Variants in MYPN observed in about 807,000 individuals in gnomAD.
MYPN encodes the protein sarcomeric protein myopalladin, 145 kDa (MYOP).
Under a neutral mutation model 129.4 loss-of-function variants are expected in MYPN, and 63 were observed. The observed-to-expected ratio is 0.49, with a 90% CI of 0.40 to 0.60. MYPN has a LOEUF of 0.60. Among genes scored for constraint, MYPN ranks in the 20% least tolerant of loss-of-function variants. The pLI, the probability that MYPN is intolerant of heterozygous loss-of-function variation, is 0.00. For synonymous variants in MYPN, 629 were observed against 600.9 expected (o/e 1.05, Z -0.68); for missense variants, 1,596 against 1,635.4 (o/e 0.98, Z 0.42).
At chr10:68,187,066 C>T (rs1697414885) in intron 12 of MYPN, among the ~76,000 whole-genome samples, 1 of 151,980 alleles carries the variant, frequency 6.6e-6, no homozygotes, top group South Asian at 2.1e-4. Flanking sequence ...GAGATTAGCA[C>T]AAAAATTAAG....
At chr10:68,197,320 T>A (rs751642090) in intron 15 of MYPN, 32 bp from the exon 16 acceptor site, 3 of 1,609,736 alleles carry the variant, frequency 1.9e-6, no homozygotes, top group Middle Eastern at 3.4e-4. Context: ...TTTATTTCTA[T>A]GTTTAATATC....
chr10:68,201,640 C>A (rs1290611294), intron 17 of MYPN, among the ~76,000 whole-genome samples, 189 bp from the exon 18 acceptor site: 1 of 151,984 alleles, frequency 6.6e-6, no homozygotes, highest in Non-Finnish European at 1.5e-5. Context: ...TGGCGGTGCA[C>A]GCCTGTAATC....
rs753633529 is a variant in MYPN, at chr10:68,150,139, A to G, written c.1317+28A>G. 2.5e-6 allele frequency: 4 copies of G among 1,571,178 alleles called. No individual in the cohort carries two copies. The African/African-American group carries it at 4.1e-5, about 16-fold the overall frequency. ...AATAAAAATATTACTTCTTTCTGTC[A>G]TGGCTTTAAAGATACCACAGCACCC... On this transcript the variant is annotated intron_variant, in intron 6 of 19. Transcript: ENST00000358913.
At chr10:68,098,254 AG>A (rs889892813) in intron 1 of MYPN, among the ~76,000 whole-genome samples, 3 of 152,130 alleles carry the variant, frequency 2.0e-5, no homozygotes, top group East Asian at 3.9e-4. Flanking sequence ...TCCAAAAAAA[AG>A]ATCTCAATTT....
At position 68,150,360 on chromosome 10, in the gene MYPN, C is replaced by T. The variant is rs894313863; in HGVS notation, c.1317+249C>T. 7.9e-5 allele frequency among the ~76,000 whole-genome samples: 12 copies of T among 152,136 alleles called. 1 individual carries two copies. The highest frequency in any genetic ancestry group is 2.6e-4 in the Admixed American group (4 of 15,268). ...TCTCTGTGGCCATTATACAACTGTT[C>T]AACATAGGAGCCACCCCTAGAGGTC... On this transcript the variant is annotated intron_variant, in intron 6 of 19. Coordinates refer to ENST00000358913, the MANE Select transcript of MYPN (RefSeq NM_032578.4).
chr10:68,141,528 TA>T (rs35304643), intron 2 of MYPN, among the ~76,000 whole-genome samples: 59,951 of 151,988 alleles, frequency 0.39, 12,901 homozygotes, highest in Non-Finnish European at 0.48. Context: ...AATTACTTTT[TA>T]TTATGTTGAT....
intron 13 of MYPN, among the ~76,000 whole-genome samples, chr10:68,191,699 T>C (rs1296024478): frequency 6.6e-6 from 1 of 152,240 alleles, no homozygotes; most frequent in Non-Finnish European, 1.5e-5. Context: ...TTTTATAGTT[T>C]TCCTTGTAGA....
intron 17 of MYPN, among the ~76,000 whole-genome samples, chr10:68,200,210 T>C (rs959965969): frequency 6.6e-6 from 1 of 152,232 alleles, no homozygotes; most frequent in Non-Finnish European, 1.5e-5. Context: ...GTGGCTCGTC[T>C]TGCACATCTC....
At chr10:68,118,896 AG>A (rs1385112691) in intron 1 of MYPN, among the ~76,000 whole-genome samples, 1 of 150,468 alleles carries the variant, frequency 6.6e-6, no homozygotes, top group Non-Finnish European at 1.5e-5. Context: ...GAAGGAAGGA[AG>A]GAAGGAAGGA....
chr10:68,189,843 C>T (rs1293735388), intron 13 of MYPN, among the ~76,000 whole-genome samples: 1 of 152,182 alleles, frequency 6.6e-6, no homozygotes, highest in African/African-American at 2.4e-5. Context: ...GTGCAGATAT[C>T]TCTTCAACAT....
intron 10 of MYPN, among the ~76,000 whole-genome samples, chr10:68,169,361 T>TAA (rs1564677220): frequency 1.4e-5 from 1 of 70,180 alleles, no homozygotes; most frequent in African/African-American, 6.0e-5. Context: ...CCGTCTCAAA[T>TAA]TAAAAAAAAA....
chr10:68,146,727 G>A (rs2042672740), intron 4 of MYPN, among the ~76,000 whole-genome samples: 1 of 152,152 alleles, frequency 6.6e-6, no homozygotes, highest in Non-Finnish European at 1.5e-5. Context: ...GGCTAAAATA[G>A]AAAGAAATAA....
chr10:68,148,279 A>T, intron 4 of MYPN, 74 bp from the exon 5 acceptor site: 1 of 1,177,858 alleles, frequency 8.5e-7, no homozygotes, highest in Non-Finnish European at 1.3e-6. Flanking sequence ...TGATGCCATT[A>T]CTAGTTTTCC....
intron 1 of MYPN, among the ~76,000 whole-genome samples, chr10:68,100,124 C>T (rs1049316711): frequency 6.6e-6 from 1 of 152,144 alleles, no homozygotes; most frequent in Non-Finnish European, 1.5e-5. Flanking sequence ...GCAAAAACCA[C>T]AGTAGCATAT....
intron 7 of MYPN, among the ~76,000 whole-genome samples, chr10:68,158,905 C>CTT (rs10603125): frequency 2.7e-5 from 4 of 147,458 alleles, no homozygotes; most frequent in East Asian, 2.0e-4. Context: ...AGCCTCCTTA[C>CTT]TTTTTTTTTT....
intron 15 of MYPN, 80 bp downstream of exon 15, chr10:68,195,612 C>T: frequency 1.7e-6 from 2 of 1,159,236 alleles, no homozygotes; most frequent in South Asian, 2.5e-5. Context: ...GTACTGGATC[C>T]ACAAATTCTT....
chr10:68,135,458 G>A, intron 2 of MYPN: 15 of 980,994 alleles, frequency 1.5e-5, no homozygotes, highest in Non-Finnish European at 1.8e-5. Context: ...ATATATTCCA[G>A]TTGCACTCTG....
At chr10:68,139,187 A>G (rs1407153062) in intron 2 of MYPN, among the ~76,000 whole-genome samples, 2 of 152,028 alleles carry the variant, frequency 1.3e-5, no homozygotes, top group Non-Finnish European at 2.9e-5. Flanking sequence ...TAGTGGGGAG[A>G]TCTAAAAGCT....
intron 7 of MYPN, among the ~76,000 whole-genome samples, chr10:68,161,457 G>T (rs1027460772): frequency 4.6e-5 from 7 of 151,746 alleles, no homozygotes; most frequent in African/African-American, 1.7e-4. Context: ...AGAGGTTGCA[G>T]TGAGCTGAGA....
Sources: allele counts gnomAD v4.1 joint callset (sites outside exome capture counted in the v4.1 genomes callset), GRCh38; gene constraint gnomAD v4.1.1; transcripts MANE v1.5; gene names NCBI Gene and HGNC (gene_info 2026-07-23, HGNC 2026-07-21).